RAF1: variants seen among roughly 807,000 people sequenced by gnomAD.
RAF1 encodes the protein RAF proto-oncogene serine/threonine-protein kinase.
Under a neutral mutation model 81.1 loss-of-function variants are expected in RAF1, and 27 were observed. The ratio of observed to expected loss-of-function variants is 0.33; its 90% CI spans 0.25 to 0.46. RAF1 has a LOEUF of 0.46. Ranked by LOEUF, RAF1 falls within the 20% of genes least tolerant of loss-of-function variation. The probability of loss-of-function intolerance (pLI) is 1.00; values close to 1 mark genes in which losing one functional copy is unlikely to be tolerated. For missense variants in RAF1, 598 were observed against 826.0 expected (o/e 0.72, Z 3.38); for synonymous variants, 298 against 294.0 (o/e 1.01, Z -0.14).
At chr3:12,634,488 A>C (rs960965415) in intron 1 of RAF1, among the ~76,000 whole-genome samples, 1 of 152,060 alleles carries the variant, frequency 6.6e-6, no homozygotes, top group Admixed American at 6.6e-5. Context: ...ACAGGAATAT[A>C]GCAAGAGAAA....
chr3:12,664,081 C>A lies in RAF1; in HGVS notation c.-295G>T, dbSNP rs905685850. On this transcript the variant is annotated 5_prime_UTR_variant, in exon 1 of 18. Transcript: ENST00000442415. ...GCCTCACAATCGTTTTCCTCTTACT[C>A]CCGCCATCTAAGATGGCGGCCCAAG... The A allele has an allele frequency of 5.0e-6, 2 of 398,348 alleles. No homozygotes were observed. The highest frequency in any genetic ancestry group is 4.1e-5 in the African/African-American group (2 of 48,642). The allele number at this position is 398,348 out of a possible 1,614,324, so 24.7% of individuals were successfully genotyped here. A position where few individuals can be genotyped will look rare whatever the true frequency, so the allele number is the denominator to read the frequency against.
At position 12,585,161 on chromosome 3, in the gene RAF1, C is replaced by T. The variant is rs5746244; in HGVS notation, c.1689G>A (p.Thr563=). The stretch of plus-strand genomic sequence containing the variant: ...TGATGTGAGAATAAGGAAGCTCCCC[C>T]GTCATCAGTTCATACAATACGATGC... Residue 563 remains threonine (T), a synonymous_variant, in exon 16 of 18, where the codon ACG becomes ACA. Coordinates refer to ENST00000442415, the MANE Select transcript of RAF1 (RefSeq NM_001354689.3). 1.0e-4 allele frequency: 167 copies of T among 1,614,158 alleles called. 1 individual carries two copies. The South Asian group carries it at 1.5e-3, about 15-fold the overall frequency.
chr3:12,591,900 C>G, intron 11 of RAF1, 108 bp from the exon 11 acceptor site: 2 of 899,838 alleles, frequency 2.2e-6, no homozygotes, highest in Admixed American at 1.9e-5. Flanking sequence ...GAATCACATA[C>G]CTACACAGAT....
At chr3:12,646,922 T>C (rs1376734300) in intron 1 of RAF1, among the ~76,000 whole-genome samples, 1 of 151,660 alleles carries the variant, frequency 6.6e-6, no homozygotes, top group Non-Finnish European at 1.5e-5. Context: ...TGACCTCAAA[T>C]GATCCACCCA....
At chr3:12,592,772 G>T (rs2058560674) in intron 11 of RAF1, among the ~76,000 whole-genome samples, 1 of 128,592 alleles carries the variant, frequency 7.8e-6, no homozygotes, top group African/African-American at 3.1e-5. Context: ...GTCTCGCTCA[G>T]TCACCCAGGC....
chr3:12,616,687 A>C (rs1310900143), intron 2 of RAF1, among the ~76,000 whole-genome samples: 1 of 152,220 alleles, frequency 6.6e-6, no homozygotes, highest in African/African-American at 2.4e-5. Context: ...TGGAACTGTT[A>C]GAAGCAAACA....
intron 11 of RAF1, among the ~76,000 whole-genome samples, chr3:12,594,078 A>T (rs1192902119): frequency 6.6e-6 from 1 of 152,172 alleles, no homozygotes; most frequent in Non-Finnish European, 1.5e-5. Flanking sequence ...TGTGTTTAGT[A>T]AACTCTAGGG....
intron 8 of RAF1, among the ~76,000 whole-genome samples, chr3:12,602,251 T>C (rs933199447): frequency 1.8e-4 from 27 of 152,312 alleles, no homozygotes; most frequent in Admixed American, 1.6e-3. Flanking sequence ...CACAAATAAT[T>C]TGAATAAAGC....
intron 6 of RAF1, 99 bp from the exon 7 acceptor site, chr3:12,604,388 A>G: frequency 8.1e-7 from 1 of 1,231,562 alleles, no homozygotes; most frequent in South Asian, 1.3e-5. Flanking sequence ...TTAAGGGCAA[A>G]CTCTACCTGT....
intron 11 of RAF1, among the ~76,000 whole-genome samples, chr3:12,596,432 G>T (rs2058689465): frequency 6.6e-6 from 1 of 152,076 alleles, no homozygotes; most frequent in Admixed American, 6.5e-5. Flanking sequence ...GACCTCAAAT[G>T]ATCTCCCTGC....
Position 12,600,227 on chromosome 3 carries a change from C to A in RAF1, c.975G>T (p.Trp325Cys), listed in dbSNP as rs774670909. 1.9e-6 allele frequency: 3 copies of A among 1,614,050 alleles called. No homozygotes were observed. Among genetic ancestry groups the A allele is most frequent in the African/African-American group, 1.3e-5 (1 of 74,922 alleles). Residue 325 changes from tryptophan to cysteine, a missense_variant, in exon 10 of 18, where the codon TGG (tryptophan) becomes TGT (cysteine). Physicochemically the swap from Trp to Cys is radical, Grantham distance 215 (BLOSUM62 -2). This residue lies in a region of RAF1 where 194 missense variants were observed against 202.7 expected (regional missense o/e 0.96). Coordinates refer to ENST00000442415, the MANE Select transcript of RAF1 (RefSeq NM_001354689.3). ...CTGGCACGGGGGTTTTCGGCTGTGA[C>A]CAGCCTGTTGGGCTCAGATTGTTGG...
At chr3:12,651,454 T>G (rs57673535) in intron 1 of RAF1, among the ~76,000 whole-genome samples, 5,225 of 151,892 alleles carry the variant, frequency 0.034, 313 homozygotes, top group African/African-American at 0.12. Context: ...GCCAACATGG[T>G]GAAACACTGT....
At chr3:12,586,347 G>C (rs1369640659) in intron 14 of RAF1, among the ~76,000 whole-genome samples, 1 of 152,132 alleles carries the variant, frequency 6.6e-6, no homozygotes, top group African/African-American at 2.4e-5. Flanking sequence ...AATGAGAACT[G>C]AAGTCGGCTC....
At chr3:12,660,389 C>T (rs565383717) in intron 1 of RAF1, among the ~76,000 whole-genome samples, 1 of 152,106 alleles carries the variant, frequency 6.6e-6, no homozygotes, top group African/African-American at 2.4e-5. Flanking sequence ...CTCAATCTCC[C>T]TGGGCTCAGG....
chr3:12,599,590 G>C, intron 11 of RAF1, 101 bp downstream of exon 10: 1 of 842,284 alleles, frequency 1.2e-6, no homozygotes, highest in South Asian at 1.3e-5. Flanking sequence ...ACTGCTATAA[G>C]CCCAGGAGCA....
At chr3:12,590,536 G>A (rs1242592566) in intron 13 of RAF1, 5 of 483,664 alleles carry the variant, frequency 1.0e-5, no homozygotes, top group South Asian at 8.6e-5. Context: ...TATTGGCAAG[G>A]CTGGTCTCAA....
chr3:12,656,286 T>C (rs2060692212), intron 1 of RAF1, among the ~76,000 whole-genome samples: 1 of 151,974 alleles, frequency 6.6e-6, no homozygotes, highest in South Asian at 2.1e-4. Flanking sequence ...AACCTATGAA[T>C]GCAAAAGGAA....
At chr3:12,609,019 G>C (rs2059126402) in intron 4 of RAF1, 96 bp from the exon 5 acceptor site, 18 of 1,338,386 alleles carry the variant, frequency 1.3e-5, no homozygotes, top group Admixed American at 3.7e-5. Flanking sequence ...TTTACAAAAT[G>C]AATCATACTT....
intron 1 of RAF1, among the ~76,000 whole-genome samples, chr3:12,625,172 C>T (rs1400557559): frequency 1.3e-5 from 2 of 152,056 alleles, no homozygotes; most frequent in Admixed American, 6.6e-5. Context: ...CAGCCTCCAC[C>T]TTCTGGGTTC....
Sources: gnomAD v4.1 joint callset for allele counts (sites outside exome capture counted in the v4.1 genomes callset) on GRCh38, gnomAD v4.1.1 for gene constraint, gnomAD v4.1.1 regional missense constraint, MANE v1.5 for transcripts, NCBI Gene and HGNC (gene_info 2026-07-23, HGNC 2026-07-21) for gene names.